Variants in B4GALT1 observed in about 807,000 individuals in gnomAD.
The protein encoded by B4GALT1 is N-acetyllactosamine synthase.
B4GALT1 carries 16 observed loss-of-function variants against 34.9 expected under a neutral mutation model. The observed-to-expected ratio is 0.46, with a 90% confidence interval of 0.31 to 0.70. The LOEUF is 0.70. Ranked by LOEUF, B4GALT1 falls within the 30% of genes least tolerant of loss-of-function variation. The pLI, the probability that B4GALT1 is intolerant of heterozygous loss-of-function variation, is 0.05. For synonymous variants in B4GALT1, 221 were observed against 218.1 expected (o/e 1.01, Z -0.12); for missense variants, 445 against 530.5 (o/e 0.84, Z 1.58).
At position 33,166,739 on chromosome 9, in the gene B4GALT1, C is replaced by T; in HGVS notation, c.412+19G>A. 1 of 1,494,872 alleles carries T rather than the reference C, an allele frequency of 6.7e-7. No homozygotes were observed. Among genetic ancestry groups the T allele is most frequent in the African/African-American group, 1.4e-5 (1 of 70,710 alleles). The allele number at this position is 1,494,872 out of a possible 1,614,324, so 92.6% of individuals were successfully genotyped here. ...GGGGGGGTCCCAATCCTCCGACTGGCGCCGACCCGAGTCCTTACCAAGCAG... is the reference window on the plus strand; with the variant it reads ...GGGGGGGTCCCAATCCTCCGACTGGTGCCGACCCGAGTCCTTACCAAGCAG... On this transcript the variant is annotated intron_variant, in intron 1 of 5. Coordinates refer to ENST00000379731, the MANE Select transcript of B4GALT1 (RefSeq NM_001497.4).
intron 1 of B4GALT1, among the ~76,000 whole-genome samples, chr9:33,163,918 C>T (rs1840711297): frequency 2.0e-5 from 3 of 152,160 alleles, no homozygotes; most frequent in Admixed American, 6.5e-5. Flanking sequence ...TCCTGCAAGC[C>T]TCACATTAGC....
chr9:33,115,818 T>C (rs1331130846), intron 4 of B4GALT1, among the ~76,000 whole-genome samples, 173 bp downstream of exon 4: 1 of 152,240 alleles, frequency 6.6e-6, no homozygotes, highest in South Asian at 2.1e-4. Flanking sequence ...CTCATTTTCC[T>C]ACAGATCCCT....
chr9:33,125,710 T>C (rs1229994516), intron 2 of B4GALT1, among the ~76,000 whole-genome samples: 1 of 152,162 alleles, frequency 6.6e-6, no homozygotes, highest in Non-Finnish European at 1.5e-5. Flanking sequence ...AAGAAAATCC[T>C]AACTGTGGTT....
At chr9:33,121,048 G>A (rs983821812) in intron 2 of B4GALT1, among the ~76,000 whole-genome samples, 1 of 152,192 alleles carries the variant, frequency 6.6e-6, no homozygotes, top group African/African-American at 2.4e-5. Context: ...AGGTATCCAG[G>A]AAACTGGTGA....
intron 1 of B4GALT1, among the ~76,000 whole-genome samples, chr9:33,158,428 A>G (rs1213524496): frequency 2.0e-5 from 3 of 152,096 alleles, no homozygotes; most frequent in African/African-American, 7.2e-5. Flanking sequence ...TGTCCATAAC[A>G]GTCCAAACTG....
At chr9:33,170,478 G>A (rs1019478068), upstream of B4GALT1, among the ~76,000 whole-genome samples, 1 of 152,154 alleles carries the variant, frequency 6.6e-6, no homozygotes, top group Non-Finnish European at 1.5e-5. Context: ...TCCTGCAACT[G>A]AAAATTAAGT....
chr9:33,117,523 G>T (rs1255676075), intron 3 of B4GALT1, among the ~76,000 whole-genome samples: 1 of 152,148 alleles, frequency 6.6e-6, no homozygotes, highest in Non-Finnish European at 1.5e-5. Context: ...GTGACTCTGA[G>T]TGCAGCTCCA....
At chr9:33,167,382 C>T (rs1840784021), upstream of B4GALT1, 4 of 521,622 alleles carry the variant, frequency 7.7e-6, no homozygotes, top group East Asian at 3.8e-5. Context: ...AGGGGCGGGG[C>T]CCCGGCGAAG....
intron 3 of B4GALT1, among the ~76,000 whole-genome samples, chr9:33,116,915 T>A (rs1839948383): frequency 6.6e-6 from 1 of 152,180 alleles, no homozygotes; most frequent in Non-Finnish European, 1.5e-5. Flanking sequence ...CAGATGACCT[T>A]AAATTAGACA....
At chr9:33,170,588 C>T (rs757600306), upstream of B4GALT1, among the ~76,000 whole-genome samples, 1 of 152,216 alleles carries the variant, frequency 6.6e-6, no homozygotes, top group Non-Finnish European at 1.5e-5. Context: ...CCAGGACACA[C>T]GTGGCCAGAA....
chr9:33,147,271 G>A (rs1276498874), intron 1 of B4GALT1, among the ~76,000 whole-genome samples: 1 of 135,906 alleles, frequency 7.4e-6, no homozygotes, highest in African/African-American at 2.7e-5. Context: ...TTTTCCCCCT[G>A]AGATGGAGTT....
downstream of B4GALT1, among the ~76,000 whole-genome samples, chr9:33,106,829 G>C (rs528144203): frequency 6.6e-6 from 1 of 152,180 alleles, no homozygotes; most frequent in Non-Finnish European, 1.5e-5. Flanking sequence ...AAGACACAGA[G>C]ACACAGAGAG....
chr9:33,168,381 A>G (rs1840803837), upstream of B4GALT1, among the ~76,000 whole-genome samples: 1 of 152,216 alleles, frequency 6.6e-6, no homozygotes, highest in Non-Finnish European at 1.5e-5. Flanking sequence ...CTCACCCCAG[A>G]GAAAGACTCA....
chr9:33,122,011 T>C (rs575909638), intron 2 of B4GALT1, among the ~76,000 whole-genome samples: 1 of 152,256 alleles, frequency 6.6e-6, no homozygotes, highest in East Asian at 1.9e-4. Context: ...CCTGCACACA[T>C]GCTGTTATCC....
chr9:33,153,842 C>G (rs1001198600), intron 1 of B4GALT1, among the ~76,000 whole-genome samples: 7 of 151,994 alleles, frequency 4.6e-5, no homozygotes, highest in Non-Finnish European at 8.8e-5. Context: ...AGGAACACTT[C>G]CCTACTCATT....
At chr9:33,156,505 G>A (rs1840596096) in intron 1 of B4GALT1, among the ~76,000 whole-genome samples, 2 of 152,174 alleles carry the variant, frequency 1.3e-5, no homozygotes, top group Admixed American at 1.3e-4. Context: ...AATTCAGTGG[G>A]CTTCTGAATC....
intron 4 of B4GALT1, 101 bp downstream of exon 4, chr9:33,115,890 T>C (rs1839931073): frequency 6.8e-7 from 1 of 1,469,988 alleles, no homozygotes; most frequent in Non-Finnish European, 9.4e-7. Context: ...TAGGGGTGCA[T>C]CCCATCTGAG....
intron 1 of B4GALT1, among the ~76,000 whole-genome samples, chr9:33,152,926 T>C (rs1378106878): frequency 6.6e-6 from 1 of 151,966 alleles, no homozygotes; most frequent in Admixed American, 6.6e-5. Flanking sequence ...AAGCCAGCCA[T>C]GGTGGCTCAC....
intron 1 of B4GALT1, among the ~76,000 whole-genome samples, chr9:33,138,353 C>T (rs1361501427): frequency 1.3e-5 from 2 of 152,136 alleles, no homozygotes; most frequent in East Asian, 3.9e-4. Flanking sequence ...ACTGCAGGGA[C>T]AGGACTGGAT....
Sources: allele counts gnomAD v4.1 joint callset (sites outside exome capture counted in the v4.1 genomes callset), GRCh38; gene constraint gnomAD v4.1.1; transcripts MANE v1.5; gene names NCBI Gene and HGNC (gene_info 2026-07-23, HGNC 2026-07-21).